CREB5: variants seen among roughly 807,000 people sequenced by gnomAD.
CREB5 encodes cAMP responsive element binding protein 5.
A neutral mutation model predicts 57.1 loss-of-function variants in CREB5; 19 were observed. The observed-to-expected ratio is 0.33, with a 90% CI of 0.23 to 0.49. The LOEUF (loss-of-function observed/expected upper bound fraction) is 0.49, where lower values mean the gene tolerates loss of function less well. Ranked by LOEUF, CREB5 falls within the 20% of genes least tolerant of loss-of-function variation. The probability of loss-of-function intolerance (pLI) is 0.99; values close to 1 mark genes in which losing one functional copy is unlikely to be tolerated. For missense variants in CREB5, 579 were observed against 671.6 expected, an observed-to-expected ratio of 0.86 and a Z score of 1.52; for synonymous variants, 238 against 238.3, an observed-to-expected ratio of 1.00 and a Z score of 0.01.
intron 1 of CREB5, among the ~76,000 whole-genome samples, chr7:28,435,084 C>T: frequency 6.9e-6 from 1 of 144,710 alleles, no homozygotes; most frequent in East Asian, 2.0e-4. Flanking sequence ...TCACCTAGGC[C>T]ACCTGGCTTT....
intron 1 of CREB5, among the ~76,000 whole-genome samples, chr7:28,374,736 C>T (rs905351927): frequency 5.9e-5 from 9 of 152,122 alleles, no homozygotes; most frequent in Admixed American, 3.9e-4. Context: ...GTTCCCAACT[C>T]GTCAGTCATA....
chr7:28,522,333 T>C (rs969111484), intron 4 of CREB5, among the ~76,000 whole-genome samples: 1 of 152,094 alleles, frequency 6.6e-6, no homozygotes, highest in Admixed American at 6.6e-5. Context: ...CAAGCCATGC[T>C]TGACCTTGAC....
chr7:28,463,329 GT>G (rs1363535318), intron 1 of CREB5, among the ~76,000 whole-genome samples: 1 of 152,034 alleles, frequency 6.6e-6, no homozygotes, highest in African/African-American at 2.4e-5. Flanking sequence ...CTTGATTACT[GT>G]TGCTCTGTAA....
rs70977045 is a variant in CREB5 at position 28,453,958 on chromosome 7, C to CTTTTTTTTTTTTT, written c.4-34216_4-34204dup. Among the ~76,000 whole-genome samples the CTTTTTTTTTTTTT allele has an allele frequency of 3.5e-4, 47 of 132,554 alleles. 3 individuals carry two copies. The highest frequency in any genetic ancestry group is 4.8e-4 in the Non-Finnish European group (30 of 62,396). The allele number at this position is 132,554 out of a possible 152,430, so 87.0% of individuals were successfully genotyped here. A position where few individuals can be genotyped will look rare whatever the true frequency, so the allele number is the denominator to read the frequency against. ...AACTGAAAGAGACTCCTCTCCAATT[C>CTTTTTTTTTTTTT]TTTTTTTTTTTTTGAGATGGAGTCT... On this transcript the variant is annotated intron_variant, in intron 1 of 10. Coordinates refer to ENST00000357727, the MANE Select transcript of CREB5 (RefSeq NM_182898.4).
rs1469710738 is a variant in CREB5, at chr7:28,330,419, TTTG to T, written c.-25+30979_-25+30981del. ...AACCTTACTTTTTTTTTTTTTTTTT[TTTG>T]CATATTTAGTTTGCATCGTCAGAGG... On this transcript the variant is annotated intron_variant, in intron 1 of 9. Coordinates refer to the CREB5 transcript ENST00000396299. Among the ~76,000 whole-genome samples, 28 of 150,206 alleles carry T rather than the reference TTTG, an allele frequency of 1.9e-4. No homozygotes were observed. The South Asian group carries it at 3.6e-3, about 19-fold the overall frequency.
chr7:28,479,993 TAGATA>T (rs1791253649), intron 1 of CREB5, among the ~76,000 whole-genome samples: 1 of 146,060 alleles, frequency 6.8e-6, no homozygotes. Context: ...GCTGAAGATA[TAGATA>T]CTTATCTAGA....
At chr7:28,639,069 G>T (rs144587797) in intron 5 of CREB5, among the ~76,000 whole-genome samples, 94 of 152,306 alleles carry the variant, frequency 6.2e-4, no homozygotes, top group African/African-American at 2.2e-3. Context: ...TGGCCCAGTT[G>T]TTCCACGCCA....
intron 5 of CREB5, among the ~76,000 whole-genome samples, chr7:28,672,576 C>T (rs751802287): frequency 5.9e-5 from 9 of 152,152 alleles, no homozygotes; most frequent in South Asian, 2.1e-4. Context: ...ACCTGGTTAA[C>T]GGGAAATGCC....
chr7:28,444,051 G>T (rs926533838), intron 1 of CREB5, among the ~76,000 whole-genome samples: 1 of 152,130 alleles, frequency 6.6e-6, no homozygotes, highest in African/African-American at 2.4e-5. Context: ...TTTGTAAGAT[G>T]GAATTAATTT....
At chr7:28,455,230 T>C (rs993434081) in intron 1 of CREB5, among the ~76,000 whole-genome samples, 2 of 152,138 alleles carry the variant, frequency 1.3e-5, no homozygotes, top group Non-Finnish European at 2.9e-5. Context: ...GCTTACAGTG[T>C]GGAAGCCCCG....
chr7:28,628,088 A>C (rs768828302), intron 5 of CREB5, among the ~76,000 whole-genome samples: 5 of 151,946 alleles, frequency 3.3e-5, no homozygotes, highest in Non-Finnish European at 7.4e-5. Context: ...TTATTCTCTT[A>C]TTCTAACAGG....
chr7:28,713,602 G>A (rs1010112967), intron 5 of CREB5, among the ~76,000 whole-genome samples: 1 of 152,166 alleles, frequency 6.6e-6, no homozygotes, highest in African/African-American at 2.4e-5. Context: ...CCAGATGCTG[G>A]GTTAAGCACT....
intron 5 of CREB5, among the ~76,000 whole-genome samples, chr7:28,609,746 G>A (rs1470790446): frequency 6.6e-6 from 1 of 152,228 alleles, no homozygotes; most frequent in South Asian, 2.1e-4. Flanking sequence ...TGCAAAGGTC[G>A]TGTACTTGTC....
At chr7:28,529,993 T>A (rs775492561) in intron 4 of CREB5, among the ~76,000 whole-genome samples, 1 of 152,234 alleles carries the variant, frequency 6.6e-6, no homozygotes, top group Non-Finnish European at 1.5e-5. Flanking sequence ...TGAGGCAGGT[T>A]TTATCACTTA....
chr7:28,689,466 T>TTAA (rs541345341), intron 5 of CREB5, among the ~76,000 whole-genome samples: 110 of 151,984 alleles, frequency 7.2e-4, no homozygotes, highest in Admixed American at 2.0e-3. Flanking sequence ...AGACTCTGTC[T>TTAA]TAATAATAAT....
At chr7:28,555,127 A>G (rs12113162) in intron 4 of CREB5, among the ~76,000 whole-genome samples, 3,743 of 16,842 alleles carry the variant, frequency 0.22, 191 homozygotes, top group African/African-American at 0.45. Context: ...GTGTGTGTGT[A>G]AATAAAAAGC....
At chr7:28,320,131 A>G (rs997897080) in intron 1 of CREB5, among the ~76,000 whole-genome samples, 1 of 151,754 alleles carries the variant, frequency 6.6e-6, no homozygotes, top group African/African-American at 2.4e-5. Context: ...GGGTTTCGCC[A>G]TGTTGTCCAG....
intron 5 of CREB5, among the ~76,000 whole-genome samples, chr7:28,593,250 T>C: frequency 6.6e-6 from 1 of 152,168 alleles, no homozygotes; most frequent in South Asian, 2.1e-4. Context: ...AAAAGATTTT[T>C]ATTTTATTTT....
At chr7:28,319,884 T>C (rs1259969340) in intron 1 of CREB5, among the ~76,000 whole-genome samples, 5 of 151,502 alleles carry the variant, frequency 3.3e-5, no homozygotes, top group African/African-American at 1.2e-4. Context: ...TTTATAAATC[T>C]TTTTGCTACA....
Sources: allele counts gnomAD v4.1 joint callset (sites outside exome capture counted in the v4.1 genomes callset), GRCh38; gene constraint gnomAD v4.1.1; transcripts MANE v1.5; gene names NCBI Gene and HGNC (gene_info 2026-07-23, HGNC 2026-07-21).